Variants in DNAJB12 observed in about 807,000 individuals in gnomAD.
The protein encoded by DNAJB12 is DnaJ heat shock protein family (Hsp40) member B12.
Under a neutral mutation model 40.6 loss-of-function variants are expected in DNAJB12, and 14 were observed. The observed-to-expected ratio is 0.34, with a 90% CI of 0.23 to 0.54. The LOEUF (loss-of-function observed/expected upper bound fraction) is 0.54, where lower values mean the gene tolerates loss of function less well. Among genes scored for constraint, DNAJB12 ranks in the 20% least tolerant of loss-of-function variants. The pLI is 0.92. For synonymous variants in DNAJB12, 181 were observed against 199.5 expected, an observed-to-expected ratio of 0.91 and a Z score of 0.78; for missense variants, 444 against 501.7, an observed-to-expected ratio of 0.89 and a Z score of 1.10.
In DNAJB12 at chr10:72,344,938, C is replaced by T. The variant is rs1861740893; in HGVS notation, c.311+12G>A. The T allele has an allele frequency of 6.2e-7, 1 of 1,614,146 alleles. No individual in the cohort carries two copies. The highest frequency in any genetic ancestry group is 8.5e-7 in the Non-Finnish European group (1 of 1,179,996). On this transcript the variant is annotated intron_variant, in intron 2 of 8. Coordinates refer to ENST00000444643, the MANE Select transcript of DNAJB12 (RefSeq NM_017626.7). ...AGTCTCCCCAGGCTCCAGCCCCTGC[C>T]CACCCATCTACCTTTTCACAGCTGC...
At position 72,343,519 on chromosome 10, in the gene DNAJB12, A is replaced by G; in HGVS notation, c.312-8T>C. On this transcript the variant is annotated splice_region_variant and splice_polypyrimidine_tract_variant and intron_variant, in intron 2 of 8. Coordinates refer to ENST00000444643, the MANE Select transcript of DNAJB12 (RefSeq NM_017626.7). ...TCTTTACATTGCTTGACCCTGGGGA[A>G]GGAGGAGACCATGGTACGGGGTGCT... 6.2e-7 allele frequency: 1 copy of G among 1,613,968 alleles called. No individual in the cohort carries two copies. Among genetic ancestry groups the G allele is most frequent in the Non-Finnish European group, 8.5e-7 (1 of 1,179,928 alleles).
At chr10:72,336,730 G>C (rs371057248) in intron 6 of DNAJB12, 34 bp from the exon 7 acceptor site, 2 of 1,602,424 alleles carry the variant, frequency 1.2e-6, no homozygotes, top group Non-Finnish European at 1.7e-6. Flanking sequence ...AGTGGGTGCG[G>C]GTCCCCATGC....
chr10:72,335,567 T>G lies in DNAJB12; in HGVS notation c.*30+213A>C. 5 of 1,315,454 alleles carry G rather than the reference T, an allele frequency of 3.8e-6. No homozygotes were observed. Among genetic ancestry groups the G allele is most frequent in the East Asian group, 6.6e-5 (2 of 30,276 alleles). The allele number at this position is 1,315,454 out of a possible 1,614,324, so 81.5% of individuals were successfully genotyped here. ...GGAGCCAGGGAGCAGAGCGGAGGAGTGGGGAGGACAGCATCGCTAGAGGGC... is the reference window on the plus strand; with the variant it reads ...GGAGCCAGGGAGCAGAGCGGAGGAGGGGGGAGGACAGCATCGCTAGAGGGC... On this transcript the variant is annotated intron_variant, in intron 8 of 8. Coordinates refer to ENST00000444643, the MANE Select transcript of DNAJB12 (RefSeq NM_017626.7). This position sits in a 1 kb window ranked among gnomAD's most constrained non-coding sequence, Gnocchi z 4.4.
At chr10:72,354,452 G>A in intron 1 of DNAJB12, 1 of 337,618 alleles carries the variant, frequency 3.0e-6, no homozygotes, top group South Asian at 5.2e-5. Flanking sequence ...AAAGTAGTTC[G>A]AGTTCACTTC....
At chr10:72,342,813 C>T (rs1400880994) in intron 3 of DNAJB12, among the ~76,000 whole-genome samples, 1 of 152,230 alleles carries the variant, frequency 6.6e-6, no homozygotes, top group Non-Finnish European at 1.5e-5. Context: ...GGGCAGCTTA[C>T]GATTTCAGCC....
At chr10:72,336,083 G>A in intron 7 of DNAJB12, 152 bp from the exon 8 acceptor site, 2 of 974,760 alleles carry the variant, frequency 2.1e-6, no homozygotes, top group Non-Finnish European at 3.1e-6. Context: ...TGGAGGAGCA[G>A]AGACTACAGT....
At chr10:72,334,711 C>A in intron 8 of DNAJB12, 94 bp from the exon 9 acceptor site, 1 of 1,448,174 alleles carries the variant, frequency 6.9e-7, no homozygotes. Context: ...GCCACTGCAC[C>A]GCTGCACCGT....
intron 1 of DNAJB12, 46 bp from the exon 2 acceptor site, chr10:72,345,173 T>C: frequency 6.4e-7 from 1 of 1,553,344 alleles, no homozygotes; most frequent in Non-Finnish European, 8.7e-7. Flanking sequence ...TCAAGCAGGC[T>C]GCGTGCCTCG....
At chr10:72,334,927 A>C in intron 8 of DNAJB12, 3 of 1,215,932 alleles carry the variant, frequency 2.5e-6, no homozygotes, top group South Asian at 2.8e-5. Context: ...TGAAGTGGCC[A>C]CCTCTGGCAA....
chr10:72,337,119 AAGGGCTCCAGGG>A (rs745562302), intron 6 of DNAJB12, among the ~76,000 whole-genome samples: 10 of 152,270 alleles, frequency 6.6e-5, no homozygotes, highest in Middle Eastern at 3.4e-3. Context: ...AAATGACAGG[AAGGGCTCCAGGG>A]AGCCTTATCC....
At chr10:72,348,379 C>G (rs1861852017) in intron 1 of DNAJB12, among the ~76,000 whole-genome samples, 1 of 152,206 alleles carries the variant, frequency 6.6e-6, no homozygotes, top group African/African-American at 2.4e-5. Flanking sequence ...AATCCTAAAG[C>G]CTCTGACAAG....
intron 8 of DNAJB12, 119 bp from the exon 9 acceptor site, chr10:72,334,736 C>A: frequency 7.1e-7 from 1 of 1,404,120 alleles, no homozygotes; most frequent in South Asian, 1.6e-5. Flanking sequence ...CCCGCTCGAC[C>A]CCCACCAACC....
intron 1 of DNAJB12, among the ~76,000 whole-genome samples, chr10:72,346,166 ATTTG>A (rs1440738116): frequency 4.6e-5 from 7 of 151,228 alleles, no homozygotes; most frequent in African/African-American, 1.2e-4. Flanking sequence ...ATTTTTTTTT[ATTTG>A]TTTGTTTATT....
intron 1 of DNAJB12, among the ~76,000 whole-genome samples, chr10:72,351,399 T>C (rs960696780): frequency 1.3e-5 from 2 of 152,244 alleles, no homozygotes; most frequent in Non-Finnish European, 2.9e-5. Context: ...AGGTCCCTCA[T>C]CCTTTCAAGG....
At chr10:72,348,488 A>C (rs548994581) in intron 1 of DNAJB12, among the ~76,000 whole-genome samples, 1 of 152,314 alleles carries the variant, frequency 6.6e-6, no homozygotes, top group South Asian at 2.1e-4. Context: ...ATTCCTTCAA[A>C]CACGCCAGGT....
chr10:72,334,559 T>C lies in DNAJB12; in HGVS notation c.*89A>G, dbSNP rs1034055279. The C allele has an allele frequency of 6.5e-7, 1 of 1,535,666 alleles. No individual in the cohort carries two copies. The highest frequency in any genetic ancestry group is 1.4e-5 in the African/African-American group (1 of 73,146). ...TTCTTTGTTTGTCTTTCCTCAAATA[T>C]ACAGTCCATCACCTTGGCTCAGTGC... On this transcript the variant is annotated 3_prime_UTR_variant, in exon 9 of 9. Coordinates refer to ENST00000444643, the MANE Select transcript of DNAJB12 (RefSeq NM_017626.7).
intron 6 of DNAJB12, among the ~76,000 whole-genome samples, chr10:72,337,631 T>C (rs533923616): frequency 6.6e-6 from 1 of 152,334 alleles, no homozygotes; most frequent in East Asian, 1.9e-4. Context: ...AATTCCCATT[T>C]TATAGATGAG....
At chr10:72,338,792 C>G (rs943145913) in intron 5 of DNAJB12, among the ~76,000 whole-genome samples, 6 of 151,744 alleles carry the variant, frequency 4.0e-5, no homozygotes, top group Admixed American at 6.6e-5. Context: ...AACATACACC[C>G]CCATCTCTAC....
rs968053312 is a variant in DNAJB12 at position 72,335,500 on chromosome 10, C to T, written c.*30+280G>A. On this transcript the variant is annotated intron_variant, in intron 8 of 8. Transcript: ENST00000444643. The surrounding 1 kb of genome is among the most constrained non-coding windows in gnomAD (Gnocchi z 4.4). ...CCCGGGTGGCCCTCAGCAACAGTTT[C>T]AAGTTCCCACTCTGCCTGGTTCTGG... is the stretch of plus-strand genomic sequence containing the variant. 3.4e-6 allele frequency: 4 copies of T among 1,163,560 alleles called. No individual in the cohort carries two copies. The highest frequency in any genetic ancestry group is 1.6e-5 in the African/African-American group (1 of 62,700). The allele number at this position is 1,163,560 out of a possible 1,614,324, so 72.1% of individuals were successfully genotyped here.
Sources: allele counts gnomAD v4.1 joint callset (sites outside exome capture counted in the v4.1 genomes callset), GRCh38; gene constraint gnomAD v4.1.1; non-coding constraint Gnocchi (gnomAD v3.1); transcripts MANE v1.5; gene names NCBI Gene and HGNC (gene_info 2026-07-23, HGNC 2026-07-21).